FAR2: variants seen among roughly 807,000 people sequenced by gnomAD.
FAR2 encodes epididymis secretory protein Li 81.
A neutral mutation model predicts 56.0 loss-of-function variants in FAR2; 19 were observed. That is an observed-to-expected ratio of 0.34 (90% CI 0.24 to 0.50). The LOEUF (loss-of-function observed/expected upper bound fraction) is 0.50, where lower values mean the gene tolerates loss of function less well. Among genes scored for constraint, FAR2 ranks in the 20% least tolerant of loss-of-function variants. The probability of loss-of-function intolerance (pLI) is 0.98; values close to 1 mark genes in which losing one functional copy is unlikely to be tolerated. For missense variants in FAR2, 508 were observed against 642.2 expected (o/e 0.79, Z 2.26); for synonymous variants, 219 against 218.8 (o/e 1.00, Z -0.01).
chr12:29,199,599 C>CAA (rs774461038), intron 1 of FAR2, among the ~76,000 whole-genome samples: 3,585 of 106,032 alleles, frequency 0.034, 96 homozygotes, highest in South Asian at 0.056. Flanking sequence ...GACCCCGTCT[C>CAA]AAAAAAAAAA....
intron 1 of FAR2, among the ~76,000 whole-genome samples, chr12:29,174,298 AAT>A (rs1423053903): frequency 3.3e-5 from 5 of 152,112 alleles, no homozygotes; most frequent in African/African-American, 1.2e-4. Flanking sequence ...TTGGGCAAAA[AAT>A]ATGTCTTTCT....
chr12:29,256,611 C>A (rs902722437), intron 1 of FAR2, among the ~76,000 whole-genome samples: 1 of 152,234 alleles, frequency 6.6e-6, no homozygotes, highest in Admixed American at 6.5e-5. Flanking sequence ...AAGGCCAGAG[C>A]CCACTCCCTC....
At chr12:29,264,002 CAAAGGAATA>C (rs1948469418) in intron 1 of FAR2, among the ~76,000 whole-genome samples, 1 of 152,004 alleles carries the variant, frequency 6.6e-6, no homozygotes, top group Admixed American at 6.5e-5. Context: ...AAAGACACAT[CAAAGGAATA>C]AAAGGAAAGT....
chr12:29,291,129 C>T, intron 2 of FAR2, among the ~76,000 whole-genome samples: 1 of 151,926 alleles, frequency 6.6e-6, no homozygotes, highest in African/African-American at 2.4e-5. Flanking sequence ...CTACTATGTA[C>T]CCACAGAAAT....
chr12:29,190,753 G>A (rs553732693), intron 1 of FAR2, among the ~76,000 whole-genome samples: 3 of 149,904 alleles, frequency 2.0e-5, no homozygotes, highest in Admixed American at 6.8e-5. Context: ...ATGAGCCACC[G>A]CGCCCGGCCA....
chr12:29,152,031 A>C (rs891213129), intron 1 of FAR2, among the ~76,000 whole-genome samples: 3 of 152,344 alleles, frequency 2.0e-5, no homozygotes, highest in African/African-American at 7.2e-5. Flanking sequence ...GGTGGAAAAT[A>C]AAACAAAAAG....
chr12:29,236,885 T>A (rs1947951714), intron 1 of FAR2, among the ~76,000 whole-genome samples: 1 of 151,962 alleles, frequency 6.6e-6, no homozygotes, highest in African/African-American at 2.4e-5. Flanking sequence ...CCCACTAAAG[T>A]GAAGCTGTGT....
intron 2 of FAR2, among the ~76,000 whole-genome samples, chr12:29,280,051 A>G (rs1948762947): frequency 6.6e-6 from 1 of 151,924 alleles, no homozygotes; most frequent in Non-Finnish European, 1.5e-5. Flanking sequence ...CAGCCTCCCA[A>G]GTAGCTGGGA....
chr12:29,305,876 T>G (rs1949246560), intron 4 of FAR2, among the ~76,000 whole-genome samples: 1 of 151,676 alleles, frequency 6.6e-6, no homozygotes, highest in Admixed American at 6.6e-5. Context: ...AAGGCCCCTA[T>G]CCCCCCAAAT....
chr12:29,205,867 A>G (rs1360334961), intron 1 of FAR2, among the ~76,000 whole-genome samples: 2 of 150,360 alleles, frequency 1.3e-5, no homozygotes, highest in Non-Finnish European at 3.0e-5. Flanking sequence ...GCTGTATTTT[A>G]TTTTTCTGGA....
intron 1 of FAR2, chr12:29,223,714 G>A (rs1947725323): frequency 6.6e-6 from 1 of 152,186 alleles, no homozygotes; most frequent in Non-Finnish European, 1.5e-5. Flanking sequence ...CAGGCATGGG[G>A]ATATAATAGT....
intron 1 of FAR2, among the ~76,000 whole-genome samples, chr12:29,154,069 G>A (rs1353986323): frequency 6.6e-6 from 1 of 152,104 alleles, no homozygotes; most frequent in Non-Finnish European, 1.5e-5. Context: ...AATCATGCTT[G>A]CATTTTATAA....
intron 1 of FAR2, among the ~76,000 whole-genome samples, chr12:29,185,614 A>G (rs1370480808): frequency 6.6e-6 from 1 of 152,254 alleles, no homozygotes; most frequent in Non-Finnish European, 1.5e-5. Flanking sequence ...AGGGAGTTTT[A>G]TAAAAATCAC....
At chr12:29,332,492 T>C in intron 10 of FAR2, 108 bp from the exon 11 acceptor site, 1 of 1,504,324 alleles carries the variant, frequency 6.6e-7, no homozygotes, top group Non-Finnish European at 8.9e-7. Context: ...GTCCAACCTA[T>C]GTCTCCCAAA....
At chr12:29,220,219 C>G (rs964326064) in intron 1 of FAR2, among the ~76,000 whole-genome samples, 1 of 152,138 alleles carries the variant, frequency 6.6e-6, no homozygotes, top group African/African-American at 2.4e-5. Context: ...TCCATGCAGA[C>G]CCTTTCTTGG....
intron 1 of FAR2, among the ~76,000 whole-genome samples, chr12:29,165,408 G>T (rs2136581370): frequency 6.6e-6 from 1 of 152,270 alleles, no homozygotes; most frequent in Middle Eastern, 3.4e-3. Flanking sequence ...CAATCCCAGG[G>T]ATCACAGACG....
intron 2 of FAR2, among the ~76,000 whole-genome samples, chr12:29,291,808 G>A (rs1948972524): frequency 6.6e-6 from 1 of 152,188 alleles, no homozygotes; most frequent in South Asian, 2.1e-4. Context: ...GGGGTATGGT[G>A]AGATTCCTGA....
intron 1 of FAR2, among the ~76,000 whole-genome samples, chr12:29,228,199 C>G (rs1244121560): frequency 6.6e-6 from 1 of 150,886 alleles, no homozygotes; most frequent in Non-Finnish European, 1.5e-5. Flanking sequence ...ATCAATTTAC[C>G]TTCTCCTCAG....
At chr12:29,290,892 G>A (rs1023959013) in intron 2 of FAR2, among the ~76,000 whole-genome samples, 1 of 152,144 alleles carries the variant, frequency 6.6e-6, no homozygotes. Context: ...ATGGTAAAGG[G>A]TGGCAAACAA....
Sources: gnomAD v4.1 joint callset for allele counts (sites outside exome capture counted in the v4.1 genomes callset) on GRCh38, gnomAD v4.1.1 for gene constraint, MANE v1.5 for transcripts, NCBI Gene and HGNC (gene_info 2026-07-23, HGNC 2026-07-21) for gene names.